The following TRPM6 variants were observed in gnomAD, a reference collection of about 807,000 sequenced individuals.
TRPM6 encodes channel kinase 2.
A neutral mutation model predicts 247.6 loss-of-function variants in TRPM6; 111 were observed. The observed-to-expected ratio is 0.45, with a 90% CI of 0.38 to 0.52. TRPM6 has a LOEUF of 0.52. Among genes scored for constraint, TRPM6 ranks in the 20% least tolerant of loss-of-function variants. TRPM6 has a pLI of 0.00. For synonymous variants in TRPM6, 892 were observed against 853.8 expected (o/e 1.04, Z -0.78); for missense variants, 2,126 against 2,421.5 (o/e 0.88, Z 2.56).
Position 74,806,163 on chromosome 9 carries a change from C to T in TRPM6, c.1638+1871G>A, listed in dbSNP as rs57016604. Among the ~76,000 whole-genome samples the T allele has an allele frequency of 9.5e-3, 1,443 of 152,068 alleles. 21 individuals are homozygous for T. Among genetic ancestry groups the T allele is most frequent in the African/African-American group, 0.033 (1,378 of 41,470 alleles). On this transcript the variant is annotated intron_variant, in intron 14 of 38. Transcript: ENST00000360774. ...TTGGCCATTGTTGCTATTATTGAAA[C>T]TGAGTGATAGGTACATGTGGATTCA...
Position 74,792,613 on chromosome 9 carries a change from A to G in TRPM6, c.2538+11T>C, listed in dbSNP as rs750565416. The G allele has an allele frequency of 3.1e-6, 5 of 1,613,370 alleles. No homozygotes were observed. Among genetic ancestry groups the G allele is most frequent in the East Asian group, 2.2e-5 (1 of 44,872 alleles). On this transcript the variant is annotated intron_variant, in intron 19 of 38. Transcript: ENST00000360774. ...CATTAATCCGACATATATTGTTGCA[A>G]TGAGACCAACCGTATAAAACCAAAA... is the stretch of plus-strand genomic sequence containing the variant.
chr9:74,798,298 G>A (rs1587517652), intron 17 of TRPM6, among the ~76,000 whole-genome samples: 1 of 144,030 alleles, frequency 6.9e-6, no homozygotes, highest in African/African-American at 2.6e-5. Context: ...ATTATCTTTT[G>A]TCACCCTGTT....
rs148444773 is a variant in TRPM6 at position 74,853,112 on chromosome 9, G to C, written c.152+2415C>G. 9.1e-3 allele frequency among the ~76,000 whole-genome samples: 1,389 copies of C among 151,996 alleles called. 12 individuals carry two copies. Among genetic ancestry groups the C allele is most frequent in the Middle Eastern group, 0.031 (9 of 294 alleles). On this transcript the variant is annotated intron_variant, in intron 3 of 38. Coordinates refer to ENST00000360774, the MANE Select transcript of TRPM6 (RefSeq NM_017662.5). ...CCTCTGCCCGGCCGCGACCCCGTCT[G>C]GGAACTGAGGAGTGTCTCTGCTCGA...
chr9:74,871,678 G>C (rs929714057), intron 1 of TRPM6, among the ~76,000 whole-genome samples: 1 of 151,956 alleles, frequency 6.6e-6, no homozygotes, highest in African/African-American at 2.4e-5. Flanking sequence ...CCTCCATAGA[G>C]AGGTACCAAT....
intron 13 of TRPM6, among the ~76,000 whole-genome samples, chr9:74,809,496 C>A (rs141273022): frequency 6.6e-6 from 1 of 151,966 alleles, no homozygotes; most frequent in Non-Finnish European, 1.5e-5. Context: ...GCATAATTTA[C>A]TTTTTTCAAG....
At position 74,863,901 on chromosome 9, in the gene TRPM6, A is replaced by ATTT. The variant is rs1270413246; in HGVS notation, c.34-5154_34-5153insAAA. Among the ~76,000 whole-genome samples, 122 of 127,184 alleles carry ATTT rather than the reference A, an allele frequency of 9.6e-4. No homozygotes were observed. The South Asian group carries it at 0.01, about 11-fold the overall frequency. The allele number at this position is 127,184 out of a possible 152,430, so 83.4% of individuals were successfully genotyped here. A position where few individuals can be genotyped will look rare whatever the true frequency, so the allele number is the denominator to read the frequency against. ...GCGCCCGGCAACCTTTTTTTTTTTA[A>ATTT]AAAAACATCCACAAGTTTGCATGAT... On this transcript the variant is annotated intron_variant, in intron 1 of 38. Coordinates refer to ENST00000360774, the MANE Select transcript of TRPM6 (RefSeq NM_017662.5).
At chr9:74,793,604 A>G (rs1243447328) in intron 18 of TRPM6, among the ~76,000 whole-genome samples, 2 of 152,226 alleles carry the variant, frequency 1.3e-5, no homozygotes. Context: ...TTATTTCCTT[A>G]ACACAGAAGA....
chr9:74,736,412 C>T (rs569347301), intron 36 of TRPM6, among the ~76,000 whole-genome samples: 3 of 152,162 alleles, frequency 2.0e-5, no homozygotes, highest in African/African-American at 7.2e-5. Context: ...AAATTAAATA[C>T]AATATAAAAC....
chr9:74,752,279 C>G lies in TRPM6; in HGVS notation c.4996G>C (p.Glu1666Gln), dbSNP rs756688357. 5.1e-6 allele frequency: 8 copies of G among 1,571,270 alleles called. No homozygotes were observed. In the South Asian group the frequency reaches 8.9e-5, roughly 18 times the overall value. The change falls in exon 29 of 39, where the codon GAG becomes CAG. Residue 1666 changes from glutamate (E) to glutamine (Q), a missense_variant and splice_region_variant. Glu to Gln is a conservative substitution (Grantham distance 29). This residue lies in a region of TRPM6 where 717 missense variants were observed against 715.9 expected (regional missense o/e 1.00). Transcript: ENST00000360774. ...QISDYLKQSQ[E>Q]DLSKNSLWNS... is the part of the protein sequence containing the mutation. ...TTTAACTCCTAAAATATTTTTACCTCTTGAGACTGCTTTAGGTAATCACTG... is the reference window on the plus strand; with the variant it reads ...TTTAACTCCTAAAATATTTTTACCTGTTGAGACTGCTTTAGGTAATCACTG...
At chr9:74,832,556 C>T (rs1011256691) in intron 6 of TRPM6, among the ~76,000 whole-genome samples, 2 of 152,066 alleles carry the variant, frequency 1.3e-5, no homozygotes, top group African/African-American at 2.4e-5. Context: ...GAAAGAACTA[C>T]TAAAATATTT....
At chr9:74,801,786 T>C (rs1012248670) in intron 16 of TRPM6, 112 bp downstream of exon 16, 3 of 1,341,188 alleles carry the variant, frequency 2.2e-6, no homozygotes, top group African/African-American at 2.9e-5. Context: ...GTCCATAAAA[T>C]GCATGGCGGT....
chr9:74,748,301 T>C (rs1826118951), intron 30 of TRPM6, among the ~76,000 whole-genome samples: 1 of 152,246 alleles, frequency 6.6e-6, no homozygotes, highest in Non-Finnish European at 1.5e-5. Flanking sequence ...GATGGATGAC[T>C]ATGTTACAGG....
In TRPM6 at chr9:74,724,392, A is replaced by G; in HGVS notation, c.*221T>C. Reference sequence around the variant, plus strand: ...GACTCATCCAAGCATCTTCGTGTGGAACTTGAGGATGGAGCTGCAAAGTGC... The same window carrying G: ...GACTCATCCAAGCATCTTCGTGTGGGACTTGAGGATGGAGCTGCAAAGTGC... On this transcript the variant is annotated 3_prime_UTR_variant, in exon 39 of 39. Transcript: ENST00000360774. 1 of 600,822 alleles carries G rather than the reference A, an allele frequency of 1.7e-6. No individual in the cohort carries two copies. Among genetic ancestry groups the G allele is most frequent in the Middle Eastern group, 4.6e-4 (1 of 2,196 alleles). 37.2% of individuals were successfully genotyped at this position (600,822 alleles called of 1,614,324 possible).
At chr9:74,780,894 T>A (rs149371879) in intron 23 of TRPM6, among the ~76,000 whole-genome samples, 3 of 152,298 alleles carry the variant, frequency 2.0e-5, no homozygotes, top group African/African-American at 7.2e-5. Flanking sequence ...CAAAAACTCG[T>A]GTTCTTCCTC....
At chr9:74,796,640 C>T (rs1828109352) in intron 18 of TRPM6, 101 bp downstream of exon 18, 1 of 1,266,510 alleles carries the variant, frequency 7.9e-7, no homozygotes, top group East Asian at 2.3e-5. Context: ...GGCAACATAA[C>T]TTTTGTTTAA....
chr9:74,828,619 T>C (rs1406891365), intron 6 of TRPM6, among the ~76,000 whole-genome samples: 2 of 151,420 alleles, frequency 1.3e-5, no homozygotes, highest in African/African-American at 4.9e-5. Context: ...AATATTTTTT[T>C]TTCCTTTCTT....
At chr9:74,769,562 T>A (rs562177289) in intron 25 of TRPM6, among the ~76,000 whole-genome samples, 1 of 151,752 alleles carries the variant, frequency 6.6e-6, no homozygotes, top group Non-Finnish European at 1.5e-5. Flanking sequence ...ATCCAGAGCA[T>A]CCTGGCTAAC....
intron 21 of TRPM6, among the ~76,000 whole-genome samples, chr9:74,783,065 T>C (rs1287495230): frequency 6.6e-6 from 1 of 152,198 alleles, no homozygotes; most frequent in Non-Finnish European, 1.5e-5. Context: ...GTCTATGGAA[T>C]AATATAAATG....
intron 1 of TRPM6, among the ~76,000 whole-genome samples, chr9:74,865,350 T>G (rs1252390886): frequency 6.6e-6 from 1 of 152,218 alleles, no homozygotes; most frequent in Admixed American, 6.5e-5. Flanking sequence ...CAGTTGTCAC[T>G]CACGCTTCAG....
Sources: allele counts gnomAD v4.1 joint callset (sites outside exome capture counted in the v4.1 genomes callset), GRCh38; gene constraint gnomAD v4.1.1; regional missense constraint gnomAD v4.1.1; transcripts MANE v1.5; gene names NCBI Gene and HGNC (gene_info 2026-07-23, HGNC 2026-07-21).